The following SDK2 variants were observed in gnomAD, a reference collection of about 807,000 sequenced individuals.
The protein encoded by SDK2 is sidekick cell adhesion molecule 2, also known as protein sidekick-2.
Under a neutral mutation model 253.9 loss-of-function variants are expected in SDK2, and 105 were observed. That is an observed-to-expected ratio of 0.41 (90% CI 0.35 to 0.49). The LOEUF (loss-of-function observed/expected upper bound fraction) is 0.49. SDK2 is among the 20% of genes least tolerant of loss of function. The pLI is 0.06. For missense variants in SDK2, 2,608 were observed against 3,003.0 expected (o/e 0.87, Z 3.07); for synonymous variants, 1,249 against 1,234.9 (o/e 1.01, Z -0.24).
At position 73,395,143 on chromosome 17, in the gene SDK2, A is replaced by G. The variant is rs751599592; in HGVS notation, c.3592+12T>C. The stretch of plus-strand genomic sequence containing the variant: ...ACAGGCAGCAGGGTGGCTGGGTGTG[A>G]GGGGTTGGTACCTGACTCCCGGGTC... On this transcript the variant is annotated intron_variant, in intron 25 of 44. Coordinates refer to ENST00000392650, the MANE Select transcript of SDK2 (RefSeq NM_001144952.2). This position sits in a 1 kb window ranked among gnomAD's most constrained non-coding sequence, Gnocchi z 4.3. 6.4e-6 allele frequency: 10 copies of G among 1,569,848 alleles called. No homozygotes were observed. In the South Asian group the frequency reaches 1.2e-4, roughly 18 times the overall value.
intron 3 of SDK2, among the ~76,000 whole-genome samples, chr17:73,461,241 C>T (rs966162797): frequency 2.6e-5 from 4 of 152,286 alleles, no homozygotes; most frequent in African/African-American, 9.6e-5. Flanking sequence ...GCATTCACCA[C>T]TTCCCTATGG....
chr17:73,643,895 C>G lies in SDK2; in HGVS notation c.64+130G>C. ...GGGAGATGGGGTGTCTTGAAACTCC[C>G]TGGAGAGGGCTCTGCCACGGCTAAG... On this transcript the variant is annotated intron_variant, in intron 1 of 44. Coordinates refer to ENST00000392650, the MANE Select transcript of SDK2 (RefSeq NM_001144952.2). This position sits in a 1 kb window ranked among gnomAD's most constrained non-coding sequence, Gnocchi z 6.9. 2.5e-6 allele frequency: 2 copies of G among 791,914 alleles called. No homozygotes were observed. The highest frequency in any genetic ancestry group is 4.1e-6 in the Non-Finnish European group (2 of 486,868). 49.1% of individuals were successfully genotyped at this position (791,914 alleles called of 1,614,324 possible). A position where few individuals can be genotyped will look rare whatever the true frequency, so the allele number is the denominator to read the frequency against.
chr17:73,358,941 A>T (rs2062617032), intron 39 of SDK2, among the ~76,000 whole-genome samples: 2 of 151,924 alleles, frequency 1.3e-5, no homozygotes, highest in Admixed American at 1.3e-4. Flanking sequence ...TAGGAGCTGG[A>T]GCAGATGAGA....
chr17:73,594,491 G>T (rs1029845857), intron 1 of SDK2, among the ~76,000 whole-genome samples: 2 of 151,244 alleles, frequency 1.3e-5, no homozygotes, highest in East Asian at 3.9e-4. Context: ...GAGGGAGGGG[G>T]AGAGAGAGAG....
chr17:73,388,468 C>T (rs1022768196), intron 29 of SDK2, among the ~76,000 whole-genome samples: 1 of 152,160 alleles, frequency 6.6e-6, no homozygotes, highest in African/African-American at 2.4e-5. Flanking sequence ...TCCCCAGCCT[C>T]GCTGCCCCGC....
chr17:73,463,448 G>T (rs556718274), intron 3 of SDK2, among the ~76,000 whole-genome samples: 1 of 152,190 alleles, frequency 6.6e-6, no homozygotes, highest in East Asian at 1.9e-4. Flanking sequence ...GTTTACAGAA[G>T]AATAAAATAA....
At chr17:73,387,524 T>C (rs537296450) in intron 30 of SDK2, among the ~76,000 whole-genome samples, 3 of 152,298 alleles carry the variant, frequency 2.0e-5, no homozygotes, top group East Asian at 1.9e-4. Context: ...GAGAGGAAGA[T>C]ACCGCCCGGC....
chr17:73,416,168 T>C (rs777426872), intron 16 of SDK2, among the ~76,000 whole-genome samples, 176 bp from the exon 17 acceptor site: 1 of 150,788 alleles, frequency 6.6e-6, no homozygotes, highest in Non-Finnish European at 1.5e-5. Context: ...GCACTTGAAA[T>C]GTGGTTAGTG....
intron 24 of SDK2, among the ~76,000 whole-genome samples, chr17:73,396,876 G>A (rs2062975374): frequency 6.6e-6 from 1 of 152,246 alleles, no homozygotes; most frequent in African/African-American, 2.4e-5. Flanking sequence ...GGGCACTGAG[G>A]TGGGCCGAGA....
At chr17:73,502,323 A>G (rs1381024038) in intron 2 of SDK2, among the ~76,000 whole-genome samples, 1 of 152,228 alleles carries the variant, frequency 6.6e-6, no homozygotes, top group Non-Finnish European at 1.5e-5. Context: ...TGTAAAAGAC[A>G]GGGAAGTCCT....
intron 18 of SDK2, among the ~76,000 whole-genome samples, chr17:73,410,711 T>C (rs2063118386): frequency 6.6e-6 from 1 of 152,216 alleles, no homozygotes; most frequent in African/African-American, 2.4e-5. Context: ...GAAAGGGCCC[T>C]GTAAGTGTGA....
At chr17:73,340,385 T>C (rs555538673) in intron 44 of SDK2, among the ~76,000 whole-genome samples, 2 of 152,340 alleles carry the variant, frequency 1.3e-5, no homozygotes, top group East Asian at 3.9e-4. Context: ...TCCATGCCCC[T>C]GGCAACCACT....
chr17:73,603,651 A>G (rs2045870650), intron 1 of SDK2, among the ~76,000 whole-genome samples: 1 of 152,210 alleles, frequency 6.6e-6, no homozygotes, highest in South Asian at 2.1e-4. Flanking sequence ...GGAACTTTTC[A>G]GTGATCCAGT....
chr17:73,504,897 C>G (rs8069114), intron 2 of SDK2, among the ~76,000 whole-genome samples: 91,610 of 151,918 alleles, frequency 0.6, 28,098 homozygotes, highest in Non-Finnish European at 0.66. Context: ...TAAGGCCCTT[C>G]TAAGGAGTGC....
intron 18 of SDK2, among the ~76,000 whole-genome samples, chr17:73,413,241 AG>A (rs2063154274): frequency 6.6e-6 from 1 of 151,910 alleles, no homozygotes; most frequent in Admixed American, 6.6e-5. Context: ...TGAGGGATCT[AG>A]GTTGCGTACT....
At chr17:73,506,089 C>T (rs1246968933) in intron 2 of SDK2, among the ~76,000 whole-genome samples, 1 of 152,270 alleles carries the variant, frequency 6.6e-6, no homozygotes, top group Admixed American at 6.5e-5. Context: ...AGGCCCGGCA[C>T]TACTTGCACG....
Position 73,368,480 on chromosome 17 carries a change from G to A in SDK2, c.5094C>T (p.Val1698=). ...CAGCGGCGTTGAAGGCGGCCACGCT[G>A]ACCATGTAGGCCGTGTAGCCAGTCA... The part of the protein sequence containing the change: ...KNLTGYTAYM[V]SVAAFNAAGD... The change falls in exon 37 of 45, where the codon GTC becomes GTT. Residue 1698 remains valine, a synonymous_variant. Coordinates refer to ENST00000392650, the MANE Select transcript of SDK2 (RefSeq NM_001144952.2). 1 of 1,610,108 alleles carries A rather than the reference G, an allele frequency of 6.2e-7. No homozygotes were observed. Among genetic ancestry groups the A allele is most frequent in the Non-Finnish European group, 8.5e-7 (1 of 1,178,456 alleles).
At chr17:73,598,104 TC>T (rs149576828) in intron 1 of SDK2, among the ~76,000 whole-genome samples, 28,169 of 151,954 alleles carry the variant, frequency 0.19, 2,802 homozygotes, top group African/African-American at 0.21. Context: ...AACTTTTCCA[TC>T]CCATCTCCCC....
intron 44 of SDK2, among the ~76,000 whole-genome samples, chr17:73,344,259 G>T (rs536949321): frequency 4.9e-4 from 74 of 152,316 alleles, no homozygotes; most frequent in Non-Finnish European, 8.4e-4. Context: ...TGTGCCACCT[G>T]TGCCCTTATA....
Sources: allele counts gnomAD v4.1 joint callset (sites outside exome capture counted in the v4.1 genomes callset), GRCh38; gene constraint gnomAD v4.1.1; non-coding constraint Gnocchi (gnomAD v3.1); transcripts MANE v1.5; gene names NCBI Gene and HGNC (gene_info 2026-07-23, HGNC 2026-07-21).